The following ARHGAP26 variants were observed in gnomAD, a reference collection of about 807,000 sequenced individuals.
The protein encoded by ARHGAP26 is rho GTPase-activating protein 26.
Under a neutral mutation model 104.8 loss-of-function variants are expected in ARHGAP26, and 38 were observed. The ratio of observed to expected loss-of-function variants is 0.36; its 90% CI spans 0.28 to 0.48. The LOEUF (loss-of-function observed/expected upper bound fraction) is 0.48. Among genes scored for constraint, ARHGAP26 ranks in the 20% least tolerant of loss-of-function variants. The probability of loss-of-function intolerance (pLI) is 0.99; values close to 1 mark genes in which losing one functional copy is unlikely to be tolerated. For missense variants in ARHGAP26, 704 were observed against 947.9 expected (o/e 0.74, Z 3.38); for synonymous variants, 341 against 340.0 (o/e 1.00, Z -0.03).
intron 1 of ARHGAP26, among the ~76,000 whole-genome samples, chr5:142,803,256 T>A (rs1405839876): frequency 2.0e-5 from 3 of 152,204 alleles, no homozygotes; most frequent in Non-Finnish European, 4.4e-5. Flanking sequence ...ATTTTCAGAA[T>A]AAATATGTCC....
At position 142,770,864 on chromosome 5, in the gene ARHGAP26, TTCATCAAGGAGC is replaced by T. The variant is rs1345407085; in HGVS notation, c.114_125del (p.Glu38_Lys41del). 5.6e-6 allele frequency: 9 copies of T among 1,610,874 alleles called. No individual in the cohort carries two copies. The highest frequency in any genetic ancestry group is 7.6e-6 in the Non-Finnish European group (9 of 1,178,390). ...AGCAGAGCTGGACAAGACCAACAAA[TTCATCAAGGAGC>T]TCATCAAGGACGGGAAGTCACTCAT... On this transcript the variant is annotated inframe_deletion, in exon 1 of 23. Transcript: ENST00000645722.
chr5:143,165,976 C>A, intron 20 of ARHGAP26: 1 of 1,258,402 alleles, frequency 7.9e-7, no homozygotes, highest in Non-Finnish European at 1.0e-6. Flanking sequence ...ATAATCAGGG[C>A]TCAGTAAAAG....
chr5:143,015,155 CA>C (rs1562264802), intron 12 of ARHGAP26, among the ~76,000 whole-genome samples: 1 of 151,480 alleles, frequency 6.6e-6, no homozygotes, highest in African/African-American at 2.4e-5. Flanking sequence ...CCTCCACCTC[CA>C]AAAAAAATAA....
rs1811527016 is a variant in ARHGAP26, at chr5:143,224,781, A to G, written c.*2335A>G. On this transcript the variant is annotated 3_prime_UTR_variant, in exon 23 of 23. Coordinates refer to ENST00000645722, the MANE Select transcript of ARHGAP26 (RefSeq NM_001135608.3). ...TTCCCTTTCACCTCCAATTCCCGTGATCCCAAAAGAAGAGGAAGACTCCAG... is the reference window on the plus strand; with the variant it reads ...TTCCCTTTCACCTCCAATTCCCGTGGTCCCAAAAGAAGAGGAAGACTCCAG... 1.8e-5 allele frequency: 4 copies of G among 228,010 alleles called. No individual in the cohort carries two copies. In the South Asian group the frequency reaches 7.3e-4, roughly 42 times the overall value. The allele number at this position is 228,010 out of a possible 1,614,324, so 14.1% of individuals were successfully genotyped here.
intron 5 of ARHGAP26, among the ~76,000 whole-genome samples, chr5:142,889,263 G>T (rs401531): frequency 0.26 from 39,104 of 152,020 alleles, 5,529 homozygotes; most frequent in South Asian, 0.5. Flanking sequence ...CTGAGCACTG[G>T]AGGAGAAAAA....
At chr5:143,016,386 A>G (rs981681076) in intron 12 of ARHGAP26, among the ~76,000 whole-genome samples, 1 of 152,216 alleles carries the variant, frequency 6.6e-6, no homozygotes, top group South Asian at 2.1e-4. Context: ...TCTAGCACAC[A>G]GGAGGTAAAA....
At chr5:143,220,837 G>A (rs1811038009) in intron 22 of ARHGAP26, among the ~76,000 whole-genome samples, 1 of 152,186 alleles carries the variant, frequency 6.6e-6, no homozygotes, top group Non-Finnish European at 1.5e-5. Flanking sequence ...AAGCCTCAAG[G>A]CTGATTCTTT....
chr5:143,162,924 C>T (rs1289046287), intron 20 of ARHGAP26, among the ~76,000 whole-genome samples: 1 of 151,936 alleles, frequency 6.6e-6, no homozygotes, highest in Non-Finnish European at 1.5e-5. Context: ...AATTTAAGAC[C>T]AGCCTGGACA....
At chr5:143,074,906 A>G (rs972131331) in intron 17 of ARHGAP26, among the ~76,000 whole-genome samples, 1 of 152,234 alleles carries the variant, frequency 6.6e-6, no homozygotes, top group Admixed American at 6.5e-5. Flanking sequence ...GGAGGAGCTC[A>G]CAGCCTAGAG....
At chr5:142,834,143 G>C (rs1769080380) in intron 1 of ARHGAP26, among the ~76,000 whole-genome samples, 1 of 152,164 alleles carries the variant, frequency 6.6e-6, no homozygotes, top group Admixed American at 6.5e-5. Flanking sequence ...GCCAAGAAAG[G>C]CTTATTTTAA....
intron 3 of ARHGAP26, 152 bp downstream of exon 3, chr5:142,875,323 G>A (rs1755930396): frequency 5.5e-6 from 4 of 726,084 alleles, no homozygotes; most frequent in Non-Finnish European, 9.2e-6. Context: ...GAGTTTGAAG[G>A]CTTTTGTAAA....
intron 1 of ARHGAP26, among the ~76,000 whole-genome samples, chr5:142,846,763 A>G (rs969535849): frequency 2.0e-5 from 3 of 152,224 alleles, no homozygotes; most frequent in African/African-American, 7.2e-5. Context: ...TTATTTGAGT[A>G]GTTTGGCAGA....
rs575544434 is a variant in ARHGAP26, at chr5:142,996,174, A to G, written c.1108-17906A>G. On this transcript the variant is annotated intron_variant, in intron 11 of 22. Coordinates refer to ENST00000645722, the MANE Select transcript of ARHGAP26 (RefSeq NM_001135608.3). ...CCTGCACTTTCTGCACATGTATCCC[A>G]GAACTTAAAGTATAATAAAAAATGA... Among the ~76,000 whole-genome samples, 4 of 152,342 alleles carry G rather than the reference A, an allele frequency of 2.6e-5. No homozygotes were observed. In the South Asian group the frequency reaches 8.3e-4, roughly 32 times the overall value.
intron 1 of ARHGAP26, among the ~76,000 whole-genome samples, chr5:142,810,637 C>T (rs1763890884): frequency 6.6e-6 from 1 of 152,162 alleles, no homozygotes; most frequent in Non-Finnish European, 1.5e-5. Flanking sequence ...ACACAGAGAA[C>T]TTAGGAAGTT....
intron 17 of ARHGAP26, among the ~76,000 whole-genome samples, chr5:143,119,586 A>G (rs1795893217): frequency 6.6e-6 from 1 of 152,182 alleles, no homozygotes; most frequent in East Asian, 1.9e-4. Flanking sequence ...AAACCAGGAG[A>G]CTCAGCAAGA....
In ARHGAP26 at chr5:143,012,552, C is replaced by CATATAT. The variant is rs3073231; in HGVS notation, c.1108-1509_1108-1504dup. 2.3e-3 allele frequency among the ~76,000 whole-genome samples: 47 copies of CATATAT among 20,806 alleles called. 6 individuals carry two copies. The highest frequency in any genetic ancestry group is 3.5e-3 in the African/African-American group (29 of 8,242). 13.6% of individuals were successfully genotyped at this position (20,806 alleles called of 152,430 possible). Reference sequence around the variant, plus strand: ...AGGGATATATTTATATACATACATACATATATATATATATATATATATATT... The same window carrying CATATAT: ...AGGGATATATTTATATACATACATACATATATATATATATATATATATATATATATT... On this transcript the variant is annotated intron_variant, in intron 11 of 22. Coordinates refer to ENST00000645722, the MANE Select transcript of ARHGAP26 (RefSeq NM_001135608.3).
chr5:142,925,224 C>T (rs1598267923), intron 10 of ARHGAP26, among the ~76,000 whole-genome samples: 2 of 152,312 alleles, frequency 1.3e-5, no homozygotes, highest in Non-Finnish European at 1.5e-5. Context: ...TGTTGCCCAC[C>T]TCCCCCATGA....
intron 7 of ARHGAP26, among the ~76,000 whole-genome samples, chr5:142,902,892 C>G (rs1760565845): frequency 6.6e-6 from 1 of 152,108 alleles, no homozygotes; most frequent in African/African-American, 2.4e-5. Context: ...GGTGAAAACA[C>G]CTGTGACAGA....
intron 1 of ARHGAP26, among the ~76,000 whole-genome samples, chr5:142,812,820 A>G (rs1279413175): frequency 6.6e-6 from 1 of 152,032 alleles, no homozygotes; most frequent in Non-Finnish European, 1.5e-5. Context: ...TTGAGGGCAT[A>G]AGCCACCGTG....
Sources: allele counts gnomAD v4.1 joint callset (sites outside exome capture counted in the v4.1 genomes callset), GRCh38; gene constraint gnomAD v4.1.1; transcripts MANE v1.5; gene names NCBI Gene and HGNC (gene_info 2026-07-23, HGNC 2026-07-21).